Variants in WWOX observed in about 807,000 individuals in gnomAD.
The protein encoded by WWOX is WW domain-containing oxidoreductase.
A neutral mutation model predicts 46.2 loss-of-function variants in WWOX; 69 were observed. The ratio of observed to expected loss-of-function variants is 1.49; its 90% confidence interval spans 1.23 to 1.82. The LOEUF is 1.82. Among genes scored for constraint, WWOX ranks in the 40% most tolerant of loss-of-function variants. WWOX has a pLI of 0.00. For synonymous variants in WWOX, 359 were observed against 202.6 expected (o/e 1.77, Z -6.56); for missense variants, 919 against 542.6 (o/e 1.69, Z -6.89).
At chr16:78,651,503 G>T (rs1043561344) in intron 8 of WWOX, among the ~76,000 whole-genome samples, 1 of 152,224 alleles carries the variant, frequency 6.6e-6, no homozygotes, top group African/African-American at 2.4e-5. Context: ...TCAAAGATGG[G>T]CTGGCATGAG....
chr16:79,166,627 C>T (rs1413349605), intron 8 of WWOX, among the ~76,000 whole-genome samples: 1 of 152,094 alleles, frequency 6.6e-6, no homozygotes, highest in African/African-American at 2.4e-5. Context: ...AACTGCAATC[C>T]AAGTTTAGGA....
chr16:78,167,469 A>G (rs1282081547), intron 5 of WWOX: 1 of 152,222 alleles, frequency 6.6e-6, no homozygotes, highest in East Asian at 1.9e-4. Flanking sequence ...ATCCCAGACT[A>G]AGAATTATTC....
chr16:78,327,437 G>T (rs1319957644), intron 5 of WWOX, among the ~76,000 whole-genome samples: 1 of 152,090 alleles, frequency 6.6e-6, no homozygotes. Context: ...CCCTCAGTGT[G>T]GAAGGAGAAA....
At chr16:78,148,375 C>T (rs1176167245) in intron 4 of WWOX, among the ~76,000 whole-genome samples, 1 of 152,016 alleles carries the variant, frequency 6.6e-6, no homozygotes, top group Non-Finnish European at 1.5e-5. Context: ...TGAACTTGGG[C>T]CAGACAGCAC....
At chr16:79,128,372 C>G (rs186591213) in intron 8 of WWOX, among the ~76,000 whole-genome samples, 1,506 of 144,432 alleles carry the variant, frequency 0.01, 30 homozygotes, top group African/African-American at 0.04. Context: ...GTGTGAAAAA[C>G]AAAAAACAAA....
chr16:78,478,157 T>C (rs2084397300), intron 8 of WWOX, among the ~76,000 whole-genome samples: 1 of 152,192 alleles, frequency 6.6e-6, no homozygotes, highest in Non-Finnish European at 1.5e-5. Context: ...CGGTTTAAAG[T>C]GTAATCAATT....
chr16:78,939,083 G>T (rs1340430845), intron 8 of WWOX, among the ~76,000 whole-genome samples: 1 of 152,216 alleles, frequency 6.6e-6, no homozygotes, highest in Non-Finnish European at 1.5e-5. Context: ...GCCACAGGAG[G>T]GCTTTAGACA....
intron 8 of WWOX, among the ~76,000 whole-genome samples, chr16:79,198,395 T>C (rs1042118537): frequency 6.6e-6 from 1 of 151,948 alleles, no homozygotes; most frequent in Non-Finnish European, 1.5e-5. Flanking sequence ...AGAAAATAAA[T>C]CCTCCCGCTT....
chr16:78,508,020 G>A (rs1364789212), intron 8 of WWOX, among the ~76,000 whole-genome samples: 1 of 151,434 alleles, frequency 6.6e-6, no homozygotes, highest in African/African-American at 2.4e-5. Flanking sequence ...GTGTGTGTGT[G>A]TGTGTGTGAC....
At chr16:78,484,826 G>T (rs191638003) in intron 8 of WWOX, among the ~76,000 whole-genome samples, 3 of 152,164 alleles carry the variant, frequency 2.0e-5, no homozygotes, top group African/African-American at 7.2e-5. Context: ...AGATGGGTGG[G>T]GTGGGGGGAA....
intron 8 of WWOX, among the ~76,000 whole-genome samples, chr16:78,930,593 G>A (rs1360318439): frequency 1.4e-5 from 2 of 142,236 alleles, no homozygotes; most frequent in Non-Finnish European, 3.1e-5. Context: ...ACCAGGCAAG[G>A]ACTTTTTTTT....
chr16:79,211,532 C>T (rs2051747875), intron 8 of WWOX, 76 bp from the exon 9 acceptor site: 2 of 1,589,048 alleles, frequency 1.3e-6, no homozygotes, highest in Admixed American at 1.7e-5. Flanking sequence ...CTGCTAATGC[C>T]CAGGCAGTCG....
At chr16:78,443,501 G>A (rs1001553264) in intron 8 of WWOX, among the ~76,000 whole-genome samples, 4 of 152,102 alleles carry the variant, frequency 2.6e-5, no homozygotes, top group Non-Finnish European at 4.4e-5. Flanking sequence ...AACAAAGAGA[G>A]GGAAACTAGA....
intron 8 of WWOX, among the ~76,000 whole-genome samples, chr16:78,529,042 C>G (rs1432077166): frequency 6.6e-6 from 1 of 151,178 alleles, no homozygotes; most frequent in Non-Finnish European, 1.5e-5. Flanking sequence ...TAGCCTTGAC[C>G]TCTCTGGCTC....
At chr16:78,753,884 G>A (rs1244550936) in intron 8 of WWOX, among the ~76,000 whole-genome samples, 2 of 122,382 alleles carry the variant, frequency 1.6e-5, no homozygotes, top group Admixed American at 9.1e-5. Flanking sequence ...ATAAATTTAA[G>A]GAAGCATAGA....
chr16:79,179,844 G>A (rs1353371303), intron 8 of WWOX, among the ~76,000 whole-genome samples: 2 of 152,200 alleles, frequency 1.3e-5, no homozygotes, highest in Non-Finnish European at 2.9e-5. Flanking sequence ...AGCTGTCATG[G>A]AACTTAACCA....
chr16:78,188,614 A>C (rs989387037), intron 5 of WWOX, among the ~76,000 whole-genome samples: 17 of 152,146 alleles, frequency 1.1e-4, no homozygotes, highest in African/African-American at 3.9e-4. Context: ...ATCATTTAGA[A>C]GTTTCGAGAC....
At chr16:78,119,321 A>G (rs1346918405) in intron 4 of WWOX, among the ~76,000 whole-genome samples, 2 of 152,200 alleles carry the variant, frequency 1.3e-5, no homozygotes, top group Non-Finnish European at 1.5e-5. Flanking sequence ...GGAATTTCGC[A>G]TTGAGGAAGG....
chr16:78,660,701 C>G (rs531344626), intron 8 of WWOX, among the ~76,000 whole-genome samples: 35 of 152,298 alleles, frequency 2.3e-4, no homozygotes, highest in African/African-American at 7.5e-4. Context: ...AAATTTCTTT[C>G]ATTCCCAGAC....
Sources: gnomAD v4.1 joint callset for allele counts (sites outside exome capture counted in the v4.1 genomes callset) on GRCh38, gnomAD v4.1.1 for gene constraint, MANE v1.5 for transcripts, NCBI Gene and HGNC (gene_info 2026-07-23, HGNC 2026-07-21) for gene names.